The following TMEM130 variants were observed in gnomAD, a reference collection of about 807,000 sequenced individuals.
TMEM130 encodes the protein transmembrane protein 130.
A neutral mutation model predicts 42.9 loss-of-function variants in TMEM130; 37 were observed. That is an observed-to-expected ratio of 0.86 (90% CI 0.66 to 1.13). The LOEUF is 1.13. Ranked by LOEUF, TMEM130 falls within the 50% of genes most tolerant of loss-of-function variation. TMEM130 has a pLI of 0.00. For synonymous variants in TMEM130, 259 were observed against 237.7 expected (o/e 1.09, Z -0.82); for missense variants, 545 against 562.6 (o/e 0.97, Z 0.32).
chr7:98,865,371 G>A (rs1189042990), intron 1 of TMEM130, among the ~76,000 whole-genome samples: 1 of 152,216 alleles, frequency 6.6e-6, no homozygotes, highest in Non-Finnish European at 1.5e-5. Flanking sequence ...ACTTTGGGAG[G>A]CCGAGGCGGG....
intron 3 of TMEM130, 33 bp from the exon 4 acceptor site, chr7:98,856,216 A>G (rs782165348): frequency 6.2e-7 from 1 of 1,603,790 alleles, no homozygotes; most frequent in Admixed American, 1.7e-5. Flanking sequence ...GAGGAGGAAG[A>G]CAGCAGACGG....
In TMEM130 at chr7:98,848,203, C is replaced by T. The variant is rs782198839; in HGVS notation, c.1125G>A (p.Pro375=). ...AGCACCTGACCCCAGAGGGTGGCTC[C>T]GGGTTCTTGTCAGACATGGGGGAAA... ...ATQQKDMVEN[P]EPPSGVRCCC... Residue 375 remains proline, a synonymous_variant, in exon 8 of 8, where the codon CCG becomes CCA. Coordinates refer to ENST00000339375, the MANE Select transcript of TMEM130 (RefSeq NM_152913.3). 3.0e-5 allele frequency: 49 copies of T among 1,613,854 alleles called. No homozygotes were observed. Among genetic ancestry groups the T allele is most frequent in the Middle Eastern group, 1.6e-4 (1 of 6,072 alleles).
chr7:98,862,039 A>C (rs1374718402), intron 2 of TMEM130, among the ~76,000 whole-genome samples: 1 of 152,186 alleles, frequency 6.6e-6, no homozygotes, highest in African/African-American at 2.4e-5. Flanking sequence ...TGATTTTATT[A>C]TATTTAGCCA....
In TMEM130 at chr7:98,860,276, G is replaced by T. The variant is rs1452878133; in HGVS notation, c.454C>A (p.Leu152Ile). 9 of 1,613,032 alleles carry T rather than the reference G, an allele frequency of 5.6e-6. No homozygotes were observed. Among genetic ancestry groups the T allele is most frequent in the Non-Finnish European group, 7.6e-6 (9 of 1,179,410 alleles). Residue 152 changes from leucine (L) to isoleucine (I), a missense_variant, in exon 3 of 8, where the codon CTC becomes ATC. Physicochemically the swap from Leu to Ile is conservative, Grantham distance 5 (BLOSUM62 2). Coordinates refer to ENST00000339375, the MANE Select transcript of TMEM130 (RefSeq NM_152913.3). The stretch of plus-strand genomic sequence containing the variant: ...GAGACTTTCAGGACGGTCTTAGTGA[G>T]ATAGGAGCTGGGCCAGGGTAGGGAA... ...NTSLPWPSSYLTKTVLKVSFL... is the reference protein window; with the variant it reads ...NTSLPWPSSYITKTVLKVSFL...
chr7:98,863,533 G>A, intron 1 of TMEM130, 133 bp from the exon 2 acceptor site: 1 of 853,604 alleles, frequency 1.2e-6, no homozygotes, highest in Non-Finnish European at 1.7e-6. Context: ...CAAGTGACTT[G>A]CCCAAGGGTC....
rs1794420449 is a variant in TMEM130 at position 98,848,649 on chromosome 7, A to C, written c.1053T>G (p.Thr351=). 2.5e-6 allele frequency: 4 copies of C among 1,614,138 alleles called. No homozygotes were observed. Among genetic ancestry groups the C allele is most frequent in the Non-Finnish European group, 3.4e-6 (4 of 1,179,998 alleles). ...VFAFPCATLI[T]VMLAFIMYMT... Reference sequence around the variant, plus strand: ...TGTACATGATGAAGGCCAACATCACAGTGATAAGTGTAGCACATGGGAAAG... The same window carrying C: ...TGTACATGATGAAGGCCAACATCACCGTGATAAGTGTAGCACATGGGAAAG... Residue 351 remains threonine, a synonymous_variant, in exon 7 of 8, where the codon ACT becomes ACG. Coordinates refer to ENST00000339375, the MANE Select transcript of TMEM130 (RefSeq NM_152913.3).
Position 98,851,521 on chromosome 7 carries a change from G to A in TMEM130, c.906C>T (p.Thr302=). The change falls in exon 6 of 8, where the codon ACC becomes ACT. Residue 302 remains threonine, a synonymous_variant. Coordinates refer to ENST00000339375, the MANE Select transcript of TMEM130 (RefSeq NM_152913.3). ...VSVASTAYNL[T]HTFRDPGDYC... ...AGTCCCCAGGGTCCCTGAAGGTGTG[G>A]GTCAGGTTGTACGCTGTGCTGGCCA... is the stretch of plus-strand genomic sequence containing the variant. The A allele has an allele frequency of 6.2e-7, 1 of 1,614,102 alleles. No homozygotes were observed. The highest frequency in any genetic ancestry group is 1.1e-5 in the South Asian group (1 of 91,072).
At chr7:98,868,101 C>T (rs1243324569) in intron 1 of TMEM130, among the ~76,000 whole-genome samples, 3 of 152,138 alleles carry the variant, frequency 2.0e-5, no homozygotes, top group Non-Finnish European at 4.4e-5. Context: ...TGGTGGCAGG[C>T]GCCTGTAATC....
chr7:98,851,948 T>A (rs534954220), intron 5 of TMEM130, among the ~76,000 whole-genome samples: 1 of 151,956 alleles, frequency 6.6e-6, no homozygotes, highest in Non-Finnish European at 1.5e-5. Flanking sequence ...TCCCCCTTTT[T>A]GTGTTTTGCA....
At chr7:98,850,267 A>ATTTTTTTTT (rs1161479294) in intron 6 of TMEM130, among the ~76,000 whole-genome samples, 17 of 28,808 alleles carry the variant, frequency 5.9e-4, no homozygotes, top group Non-Finnish European at 1.0e-3. Context: ...ATATATATAT[A>ATTTTTTTTT]TATATATTTT....
In TMEM130 at chr7:98,848,141, G is replaced by A. The variant is rs781834558; in HGVS notation, c.1187C>T (p.Thr396Ile). The A allele has an allele frequency of 5.0e-6, 8 of 1,614,154 alleles. No homozygotes were observed. In the South Asian group the frequency reaches 8.8e-5, roughly 18 times the overall value. The change falls in exon 8 of 8, where the codon ACT becomes ATT. Residue 396 changes from threonine to isoleucine, a missense_variant. Thr to Ile is a moderately conservative substitution (Grantham distance 89). Coordinates refer to ENST00000339375, the MANE Select transcript of TMEM130 (RefSeq NM_152913.3). ...QMCCGPFLLE[T>I]PSEYLEIVRE... is the part of the protein sequence containing the mutation. The stretch of plus-strand genomic sequence containing the variant: ...AACAATTTCCAGGTACTCAGATGGA[G>A]TCTCCAGCAAGAAAGGCCCACAGCA...
At chr7:98,850,288 T>TTTA (rs1554398034) in intron 6 of TMEM130, among the ~76,000 whole-genome samples, 18 of 112,534 alleles carry the variant, frequency 1.6e-4, no homozygotes, top group African/African-American at 4.5e-4. Flanking sequence ...TTTTTTTTTT[T>TTTA]AATTTTTTGA....
chr7:98,866,907 C>T (rs1794922869), intron 1 of TMEM130: 1 of 151,378 alleles, frequency 6.6e-6, no homozygotes, highest in Non-Finnish European at 1.5e-5. Context: ...GCCTGAACAA[C>T]ACAGCGACAC....
intron 5 of TMEM130, among the ~76,000 whole-genome samples, chr7:98,854,399 TG>T (rs35085130): frequency 0.71 from 107,661 of 152,006 alleles, 42,711 homozygotes; most frequent in South Asian, 0.88. Flanking sequence ...ATGCCCATGG[TG>T]AATACAGCCC....
chr7:98,848,588 C>T lies in TMEM130; in HGVS notation c.1114G>A (p.Val372Met). 1 of 1,608,756 alleles carries T rather than the reference C, an allele frequency of 6.2e-7. No homozygotes were observed. The highest frequency in any genetic ancestry group is 2.2e-5 in the East Asian group (1 of 44,856). The change falls in exon 7 of 8, where the codon GTG becomes ATG. Residue 372 changes from valine to methionine, a missense_variant. By Grantham distance (21) the Val-to-Met change is conservative (BLOSUM62 1). Coordinates refer to ENST00000339375, the MANE Select transcript of TMEM130 (RefSeq NM_152913.3). ...CCACCCCACTGAGTACCCACCTCCACCATGTCCTTTTGCTGAGTGGCATTC... is the reference window on the plus strand; with the variant it reads ...CCACCCCACTGAGTACCCACCTCCATCATGTCCTTTTGCTGAGTGGCATTC... ...LRNATQQKDM[V>M]ENPEPPSGVR...
chr7:98,848,190 C>G lies in TMEM130; in HGVS notation c.1138G>C (p.Gly380Arg). Residue 380 changes from glycine (G) to arginine (R), a missense_variant, in exon 8 of 8, where the codon GGG becomes CGG. Gly to Arg is a moderately radical substitution (Grantham distance 125). Coordinates refer to ENST00000339375, the MANE Select transcript of TMEM130 (RefSeq NM_152913.3). ...DMVENPEPPS[G>R]VRCCCQMCCG... ...CACATCTGGCAGCAGCACCTGACCC[C>G]AGAGGGTGGCTCCGGGTTCTTGTCA... 6.2e-7 allele frequency: 1 copy of G among 1,614,092 alleles called. No homozygotes were observed. The highest frequency in any genetic ancestry group is 1.6e-4 in the Middle Eastern group (1 of 6,062).
chr7:98,859,715 A>C (rs1794713155), intron 3 of TMEM130, among the ~76,000 whole-genome samples: 1 of 139,994 alleles, frequency 7.1e-6, no homozygotes, highest in Non-Finnish European at 1.6e-5. Flanking sequence ...TCTCTACTAA[A>C]AAATATAAAT....
In TMEM130 at chr7:98,860,323, T is replaced by A; in HGVS notation, c.407A>T (p.Asp136Val). ...GGAAGTGTTCTGGGTGACAACAAGG[T>A]CCCCCACGAGGAACTCTGGGAGAGA... ...VLPITEFLVG[D>V]LVVTQNTSLP... Residue 136 changes from aspartate to valine, a missense_variant, in exon 3 of 8, where the codon GAC becomes GTC. Coordinates refer to ENST00000339375, the MANE Select transcript of TMEM130 (RefSeq NM_152913.3). 1 of 1,588,326 alleles carries A rather than the reference T, an allele frequency of 6.3e-7. No individual in the cohort carries two copies. Among genetic ancestry groups the A allele is most frequent in the Non-Finnish European group, 8.6e-7 (1 of 1,165,360 alleles).
In TMEM130 at chr7:98,863,093, A is replaced by G; in HGVS notation, c.391+2T>C. The G allele has an allele frequency of 6.2e-7, 1 of 1,609,900 alleles. No homozygotes were observed. The highest frequency in any genetic ancestry group is 8.5e-7 in the Non-Finnish European group (1 of 1,177,946). ...AAACTAGCAAATGGGAGCGACCCTCACCTGTGATGGGGAGGACCACAAAGC... is the reference window on the plus strand; with the variant it reads ...AAACTAGCAAATGGGAGCGACCCTCGCCTGTGATGGGGAGGACCACAAAGC... On this transcript the variant is annotated splice_donor_variant, in intron 2 of 7. Coordinates refer to ENST00000339375, the MANE Select transcript of TMEM130 (RefSeq NM_152913.3). LOFTEE classifies it high-confidence loss of function.
Sources: gnomAD v4.1 joint callset for allele counts (sites outside exome capture counted in the v4.1 genomes callset) on GRCh38, gnomAD v4.1.1 for gene constraint, MANE v1.5 for transcripts, NCBI Gene and HGNC (gene_info 2026-07-23, HGNC 2026-07-21) for gene names.